Variants in RNFT2 observed in about 807,000 individuals in gnomAD.
The protein encoded by RNFT2 is ring finger protein, transmembrane 2, also known as E3 ubiquitin-protein ligase RNFT2.
Under a neutral mutation model 53.0 loss-of-function variants are expected in RNFT2, and 36 were observed. That is an observed-to-expected ratio of 0.68 (90% CI 0.52 to 0.90). The LOEUF (loss-of-function observed/expected upper bound fraction) is 0.90, where lower values mean the gene tolerates loss of function less well. Among genes scored for constraint, RNFT2 ranks in the 40% least tolerant of loss-of-function variants. The pLI is 0.00. For missense variants in RNFT2, 514 were observed against 585.6 expected (o/e 0.88, Z 1.26); for synonymous variants, 260 against 253.2 (o/e 1.03, Z -0.26).
chr12:116,852,312 G>A lies in RNFT2; in HGVS notation c.*2864G>A. On this transcript the variant is annotated 3_prime_UTR_variant, in exon 11 of 11. Transcript: ENST00000257575. ...CCTCGCTGTCAGCCAGTATTAACAT[G>A]TCCCCTTCCCCCTGCCCCGCCGTAG... 1 of 1,252,410 alleles carries A rather than the reference G, an allele frequency of 8.0e-7. No homozygotes were observed. The highest frequency in any genetic ancestry group is 2.1e-5 in the South Asian group (1 of 46,764). 77.6% of individuals were successfully genotyped at this position (1,252,410 alleles called of 1,614,324 possible).
chr12:116,741,126 G>A (rs1359379699), intron 3 of RNFT2, 32 bp downstream of exon 3: 2 of 1,587,842 alleles, frequency 1.3e-6, no homozygotes, highest in African/African-American at 2.7e-5. Flanking sequence ...CCATCTGAGG[G>A]CTCTAGGCTT....
intron 4 of RNFT2, 103 bp downstream of exon 4, chr12:116,750,410 C>T: frequency 9.2e-7 from 1 of 1,083,428 alleles, no homozygotes; most frequent in Admixed American, 2.2e-5. Context: ...GGAGAGGCAG[C>T]AGAGACCAAC....
At chr12:116,837,778 G>A (rs1187937764) in intron 10 of RNFT2, among the ~76,000 whole-genome samples, 1 of 152,058 alleles carries the variant, frequency 6.6e-6, no homozygotes, top group East Asian at 1.9e-4. Flanking sequence ...TATCAACGTG[G>A]GTTTCTTAGC....
intron 3 of RNFT2, among the ~76,000 whole-genome samples, chr12:116,746,413 A>G (rs1409895771): frequency 6.6e-6 from 1 of 152,148 alleles, no homozygotes; most frequent in Non-Finnish European, 1.5e-5. Context: ...CAAGGGAAAG[A>G]TGAGGAATAA....
At chr12:116,774,428 A>G (rs1328063155) in intron 6 of RNFT2, among the ~76,000 whole-genome samples, 1 of 152,224 alleles carries the variant, frequency 6.6e-6, no homozygotes, top group Non-Finnish European at 1.5e-5. Context: ...AGCAGAATAC[A>G]TTTAGCTTCA....
chr12:116,775,231 G>A (rs1288199973), intron 6 of RNFT2, among the ~76,000 whole-genome samples: 1 of 139,474 alleles, frequency 7.2e-6, no homozygotes, highest in Non-Finnish European at 1.5e-5. Context: ...TTGCACTCCA[G>A]CCTGGGCAAC....
rs1461280282 is a variant in RNFT2 at position 116,764,907 on chromosome 12, A to G, written c.628-1907A>G. Among the ~76,000 whole-genome samples the G allele has an allele frequency of 2.0e-5, 3 of 152,158 alleles. No individual in the cohort carries two copies. The East Asian group carries it at 5.8e-4, about 29-fold the overall frequency. ...AAGTCCGTCTCAAAAACAAACAAACAAAACAGTAGGAGGCAGCTTTGGGGG... is the reference window on the plus strand; with the variant it reads ...AAGTCCGTCTCAAAAACAAACAAACGAAACAGTAGGAGGCAGCTTTGGGGG... On this transcript the variant is annotated intron_variant, in intron 5 of 10. Transcript: ENST00000257575.
chr12:116,762,467 T>G (rs555127096), intron 5 of RNFT2, among the ~76,000 whole-genome samples: 1 of 151,298 alleles, frequency 6.6e-6, no homozygotes, highest in East Asian at 1.9e-4. Context: ...CTGGGTATGG[T>G]GGCCTATGCC....
intron 7 of RNFT2, among the ~76,000 whole-genome samples, chr12:116,832,898 C>CTTTTTTTTT (rs71095601): frequency 5.9e-5 from 5 of 84,774 alleles, no homozygotes; most frequent in Non-Finnish European, 6.2e-5. Flanking sequence ...AAGTCGTGTT[C>CTTTTTTTTT]TTTTTTTTTT....
intron 4 of RNFT2, among the ~76,000 whole-genome samples, chr12:116,752,941 G>T (rs1423062731): frequency 6.6e-6 from 1 of 152,048 alleles, no homozygotes; most frequent in African/African-American, 2.4e-5. Flanking sequence ...CAAAAAGCAG[G>T]ACTCGAAAAT....
chr12:116,747,957 G>A (rs374144000), intron 3 of RNFT2, among the ~76,000 whole-genome samples: 5 of 152,270 alleles, frequency 3.3e-5, no homozygotes, highest in African/African-American at 4.8e-5. Context: ...TTGGGAGGCC[G>A]AGGCGGGCAG....
chr12:116,740,767 C>T, intron 2 of RNFT2: 1 of 621,698 alleles, frequency 1.6e-6, no homozygotes, highest in Non-Finnish European at 2.9e-6. Context: ...GCACAGTTTA[C>T]CGCGTTATCC....
Position 116,850,673 on chromosome 12 carries a change from G to A in RNFT2, c.*1225G>A, listed in dbSNP as rs1424860884. On this transcript the variant is annotated 3_prime_UTR_variant, in exon 11 of 11. Coordinates refer to ENST00000257575, the MANE Select transcript of RNFT2 (RefSeq NM_001382266.1). ...GACAGAGTCTTGCTCTGTTGCCCAG[G>A]CTGGAGTGCAATAGCACGATCTTGG... The A allele has an allele frequency of 1.4e-5, 2 of 143,128 alleles. No individual in the cohort carries two copies. The highest frequency in any genetic ancestry group is 3.0e-5 in the Non-Finnish European group (2 of 66,506). The allele number at this position is 143,128 out of a possible 1,614,324, so 8.9% of individuals were successfully genotyped here. A position where few individuals can be genotyped will look rare whatever the true frequency, so the allele number is the denominator to read the frequency against.
At chr12:116,771,306 A>G (rs1365200686) in intron 6 of RNFT2, among the ~76,000 whole-genome samples, 3 of 151,656 alleles carry the variant, frequency 2.0e-5, no homozygotes, top group Non-Finnish European at 4.4e-5. Flanking sequence ...CAAAAAATAC[A>G]AAAATTAGCC....
At chr12:116,766,785 A>G (rs1319915651) in intron 5 of RNFT2, 29 bp from the exon 6 acceptor site, 7 of 1,525,008 alleles carry the variant, frequency 4.6e-6, no homozygotes, top group Admixed American at 1.9e-5. Context: ...TGCACCTTTG[A>G]TATCACATAT....
intron 6 of RNFT2, among the ~76,000 whole-genome samples, chr12:116,767,881 C>T (rs1244985950): frequency 6.6e-6 from 1 of 152,006 alleles, no homozygotes; most frequent in Non-Finnish European, 1.5e-5. Context: ...CCTGGTTTTA[C>T]ATTCTTTTTT....
chr12:116,789,652 TGGA>T (rs1874129085), intron 7 of RNFT2, among the ~76,000 whole-genome samples: 1 of 124,208 alleles, frequency 8.1e-6, no homozygotes, highest in Non-Finnish European at 1.7e-5. Flanking sequence ...GATGGATGGA[TGGA>T]TGGATGGATG....
intron 7 of RNFT2, among the ~76,000 whole-genome samples, chr12:116,817,784 C>T (rs1875763600): frequency 6.6e-6 from 1 of 152,222 alleles, no homozygotes; most frequent in Admixed American, 6.5e-5. Context: ...CAGCACTGCT[C>T]ACCATCCTAA....
intron 5 of RNFT2, among the ~76,000 whole-genome samples, chr12:116,764,957 C>T (rs556623688): frequency 1.8e-4 from 27 of 152,148 alleles, no homozygotes; most frequent in Non-Finnish European, 3.8e-4. Flanking sequence ...AATGCAGTAA[C>T]ATCCAAATGG....
Sources: allele counts gnomAD v4.1 joint callset (sites outside exome capture counted in the v4.1 genomes callset), GRCh38; gene constraint gnomAD v4.1.1; transcripts MANE v1.5; gene names NCBI Gene and HGNC (gene_info 2026-07-23, HGNC 2026-07-21).